The following NOL11 variants were observed in gnomAD, a reference collection of about 807,000 sequenced individuals.
NOL11 encodes the protein nucleolar protein 11.
In NOL11, 42 loss-of-function variants were observed where a neutral mutation model predicts 93.0. The observed-to-expected ratio is 0.45, with a 90% CI of 0.35 to 0.58. The LOEUF is 0.58. NOL11 is among the 20% of genes least tolerant of loss of function. NOL11 has a pLI of 0.00. For missense variants in NOL11, 775 were observed against 841.8 expected (o/e 0.92, Z 0.98); for synonymous variants, 296 against 293.7 (o/e 1.01, Z -0.08).
Position 67,743,760 on chromosome 17 carries a change from G to T in NOL11, c.2061G>T (p.Glu687Asp). The change falls in exon 18 of 18, where the codon GAG becomes GAT. Residue 687 changes from glutamate (E) to aspartate (D), a missense_variant. Around this residue, in one of 2 missense-constraint regions of NOL11, gnomAD observed 416 missense variants for 525.2 expected, o/e 0.79. Transcript: ENST00000253247. ...TTCTTTAGATATCTGTTTATTCTGA[G>T]CTCAACAAGATTGAAGTAAGTTTTC... ...LVKSQISVYS[E>D]LNKIEVSFRE... is the part of the protein sequence containing the mutation. 1 of 1,526,236 alleles carries T rather than the reference G, an allele frequency of 6.6e-7. No individual in the cohort carries two copies. The highest frequency in any genetic ancestry group is 8.8e-7 in the Non-Finnish European group (1 of 1,135,390). The allele number at this position is 1,526,236 out of a possible 1,614,324, so 94.5% of individuals were successfully genotyped here.
chr17:67,722,662 C>A, intron 5 of NOL11, 25 bp downstream of exon 5: 2 of 1,526,850 alleles, frequency 1.3e-6, no homozygotes, highest in South Asian at 1.3e-5. Flanking sequence ...CAATTCCTGG[C>A]CCATTTTGTG....
At chr17:67,727,778 A>G (rs2055110416) in intron 7 of NOL11, among the ~76,000 whole-genome samples, 1 of 152,000 alleles carries the variant, frequency 6.6e-6, no homozygotes. Context: ...AGCTTGGCCA[A>G]CATGGTGAAA....
chr17:67,719,578 G>C (rs2043202030), intron 1 of NOL11, 96 bp from the exon 2 acceptor site: 2 of 675,160 alleles, frequency 3.0e-6, no homozygotes. Context: ...TTTAAATGCT[G>C]TCATTTTAAT....
chr17:67,724,067 T>C lies in NOL11; in HGVS notation c.538T>C (p.Tyr180His). ...ITEKHGNYFAYVQMFNSRILT... is the reference protein window; with the variant it reads ...ITEKHGNYFAHVQMFNSRILT... The stretch of plus-strand genomic sequence containing the variant: ...TTTGCAGCATGGAAATTACTTTGCT[T>C]ACGTGCAAATGTTTAACTCACGTAT... The change falls in exon 6 of 18, where the codon TAC (tyrosine) becomes CAC (histidine). Residue 180 changes from tyrosine to histidine, a missense_variant. Physicochemically the swap from Tyr to His is moderately conservative, Grantham distance 83. This residue lies in a region of NOL11 where 359 missense variants were observed against 316.5 expected (regional missense o/e 1.13). Coordinates refer to ENST00000253247, the MANE Select transcript of NOL11 (RefSeq NM_015462.5). 3 of 1,555,112 alleles carry C rather than the reference T, an allele frequency of 1.9e-6. No individual in the cohort carries two copies. In the South Asian group the frequency reaches 3.6e-5, roughly 19 times the overall value.
In NOL11 at chr17:67,737,990, G is replaced by A. The variant is rs368675605; in HGVS notation, c.1529+18G>A. ...TTCTTGAGGTAAGTTAGACTCCAATGGTCCTTTTTCTTCACTACATTTATA... is the reference window on the plus strand; with the variant it reads ...TTCTTGAGGTAAGTTAGACTCCAATAGTCCTTTTTCTTCACTACATTTATA... On this transcript the variant is annotated intron_variant, in intron 13 of 17. Transcript: ENST00000253247. The A allele has an allele frequency of 2.5e-6, 4 of 1,589,812 alleles. No individual in the cohort carries two copies. The highest frequency in any genetic ancestry group is 2.3e-5 in the South Asian group (2 of 87,370).
intron 7 of NOL11, 45 bp from the exon 8 acceptor site, chr17:67,734,318 A>G (rs1286910138): frequency 9.2e-7 from 1 of 1,087,474 alleles, no homozygotes; most frequent in South Asian, 1.3e-5. Context: ...AATATCATAT[A>G]TTTATACTTG....
chr17:67,723,927 A>G, intron 5 of NOL11, 122 bp from the exon 6 acceptor site: 1 of 633,584 alleles, frequency 1.6e-6, no homozygotes, highest in Non-Finnish European at 2.6e-6. Flanking sequence ...ATTTGATAGC[A>G]TAAGATGTTT....
rs767864398 is a variant in NOL11 at position 67,738,953 on chromosome 17, A to G, written c.1785A>G (p.Ala595=). 1.2e-6 allele frequency: 2 copies of G among 1,611,866 alleles called. No homozygotes were observed. Among genetic ancestry groups the G allele is most frequent in the Non-Finnish European group, 1.7e-6 (2 of 1,178,300 alleles). Residue 595 remains alanine (A), a synonymous_variant, in exon 15 of 18, where the codon GCA becomes GCG. Transcript: ENST00000253247. The part of the protein sequence containing the change: ...AALLNAILHS[A]YSETFLLPHL... ...TAAGTAATGCAATTCTTCATTCAGC[A>G]TATAGCGAGACATTTCTTCTGCCTC...
At chr17:67,724,248 A>C in intron 6 of NOL11, 55 bp downstream of exon 6, 1 of 1,067,982 alleles carries the variant, frequency 9.4e-7, no homozygotes, top group Non-Finnish European at 1.3e-6. Flanking sequence ...TTGTTATAGG[A>C]TAGTGTATGT....
At chr17:67,721,186 A>G (rs2043215493) in intron 3 of NOL11, among the ~76,000 whole-genome samples, 192 bp from the exon 4 acceptor site, 1 of 152,226 alleles carries the variant, frequency 6.6e-6, no homozygotes. Context: ...TAGAGAGGAT[A>G]AGAGAAAAAG....
chr17:67,734,417 T>C lies in NOL11; in HGVS notation c.908T>C (p.Leu303Ser). 6.2e-7 allele frequency: 1 copy of C among 1,605,916 alleles called. No homozygotes were observed. The highest frequency in any genetic ancestry group is 8.5e-7 in the Non-Finnish European group (1 of 1,172,916). Residue 303 changes from leucine to serine, a missense_variant, in exon 8 of 18, where the codon TTA (leucine) becomes TCA (serine). Transcript: ENST00000253247. ...KFQTLQTSKE[L>S]PQGTSGQLWY... ...CAAACACTACAGACTTCAAAAGAGT[T>C]ACCACAAGGGACCAGTGGTCAAGTA... is the stretch of plus-strand genomic sequence containing the variant.
chr17:67,721,132 C>T (rs927016113), intron 3 of NOL11, among the ~76,000 whole-genome samples: 8 of 152,034 alleles, frequency 5.3e-5, no homozygotes, highest in Non-Finnish European at 1.0e-4. Flanking sequence ...GTAGTCACAA[C>T]GGGTAAACCA....
At chr17:67,734,466 T>A in intron 8 of NOL11, 27 bp downstream of exon 8, 2 of 1,363,206 alleles carry the variant, frequency 1.5e-6, no homozygotes, top group Non-Finnish European at 2.1e-6. Context: ...GAGTACTTTC[T>A]CTGATTTAGT....
intron 9 of NOL11, among the ~76,000 whole-genome samples, chr17:67,736,293 AAAAC>A (rs2055201535): frequency 1.4e-5 from 2 of 146,466 alleles, no homozygotes; most frequent in Non-Finnish European, 3.0e-5. Flanking sequence ...CAGAAAATGG[AAAAC>A]AAAAAAAAAA....
At chr17:67,734,017 G>T (rs1469674210) in intron 7 of NOL11, among the ~76,000 whole-genome samples, 4 of 152,156 alleles carry the variant, frequency 2.6e-5, no homozygotes, top group Non-Finnish European at 4.4e-5. Context: ...AGTTTAGGAA[G>T]TATTTCCTGC....
intron 7 of NOL11, 84 bp from the exon 8 acceptor site, chr17:67,734,279 T>TA: frequency 1.3e-6 from 1 of 742,328 alleles, no homozygotes; most frequent in Non-Finnish European, 2.4e-6. Flanking sequence ...AAAGCATATA[T>TA]ATTTAACTGT....
intron 7 of NOL11, among the ~76,000 whole-genome samples, chr17:67,727,419 T>C (rs1038190123): frequency 9.9e-5 from 15 of 152,150 alleles, no homozygotes; most frequent in African/African-American, 3.6e-4. Context: ...CCCAGCACTT[T>C]GGGAGGCCTA....
At position 67,719,939 on chromosome 17, in the gene NOL11, C is replaced by T. The variant is rs905039869; in HGVS notation, c.289C>T (p.Leu97=). 1 of 1,571,500 alleles carries T rather than the reference C, an allele frequency of 6.4e-7. No homozygotes were observed. Among genetic ancestry groups the T allele is most frequent in the Non-Finnish European group, 8.6e-7 (1 of 1,156,460 alleles). The stretch of plus-strand genomic sequence containing the variant: ...AATATGGAATAATGAAGATGTAAAC[C>T]TGGATAAAGTATTTAAAGCTACAGT... ...LRIWNNEDVN[L]DKVFKATLSA... The change falls in exon 3 of 18, where the codon CTG becomes TTG. Residue 97 remains leucine, a synonymous_variant. Transcript: ENST00000253247.
chr17:67,719,688 AC>A lies in NOL11; in HGVS notation c.159del (p.Leu54TrpfsTer6). 6.3e-7 allele frequency: 1 copy of A among 1,588,906 alleles called. No individual in the cohort carries two copies. The highest frequency in any genetic ancestry group is 8.6e-7 in the Non-Finnish European group (1 of 1,163,622). On this transcript the variant is annotated frameshift_variant, in exon 2 of 18. Transcript: ENST00000253247. LOFTEE classifies it high-confidence loss of function. ...AATTTCATTAGGTTTCTGATCAGAAACCCTTGGGGAGCTGGTCAGTGAAACA... is the reference window on the plus strand; with the variant it reads ...AATTTCATTAGGTTTCTGATCAGAAACCTTGGGGAGCTGGTCAGTGAAACA... ...VILYKVSDQKPLGSWSVKQGQ... is the reference protein window; with the variant it reads ...VILYKVSDQKXLGSWSVKQGQ...
Sources: gnomAD v4.1 joint callset for allele counts (sites outside exome capture counted in the v4.1 genomes callset) on GRCh38, gnomAD v4.1.1 for gene constraint, gnomAD v4.1.1 regional missense constraint, MANE v1.5 for transcripts, NCBI Gene and HGNC (gene_info 2026-07-23, HGNC 2026-07-21) for gene names.